KIF9: variants seen among roughly 807,000 people sequenced by gnomAD.
The protein encoded by KIF9 is kinesin family member 9, also known as kinesin-like protein KIF9.
Under a neutral mutation model 94.8 loss-of-function variants are expected in KIF9, and 68 were observed. The observed-to-expected ratio is 0.72, with a 90% CI of 0.59 to 0.88. The LOEUF is 0.88. Among genes scored for constraint, KIF9 ranks in the 40% least tolerant of loss-of-function variants. The probability of loss-of-function intolerance (pLI) is 0.00; values close to 1 mark genes in which losing one functional copy is unlikely to be tolerated. For missense variants in KIF9, 882 were observed against 982.5 expected (o/e 0.90, Z 1.37); for synonymous variants, 343 against 362.1 (o/e 0.95, Z 0.60).
Position 47,266,971 on chromosome 3 carries a change from C to CT in KIF9, c.768+4dup. 1 of 1,611,318 alleles carries CT rather than the reference C, an allele frequency of 6.2e-7. No homozygotes were observed. ...GAGTAGCAACCTCCAGCCCCCATCACTTACCCCAGACTTCCCCAGCCTCTC... is the reference window on the plus strand; with the variant it reads ...GAGTAGCAACCTCCAGCCCCCATCACTTTACCCCAGACTTCCCCAGCCTCTC... On this transcript the variant is annotated splice_donor_region_variant and intron_variant, in intron 7 of 20. Transcript: ENST00000684063.
intron 16 of KIF9, 128 bp downstream of exon 16, chr3:47,242,923 A>G: frequency 2.8e-6 from 2 of 724,512 alleles, no homozygotes. Flanking sequence ...TTCTTTGGGG[A>G]CTGTGCTCCT....
chr3:47,275,862 T>C (rs1701933089), intron 2 of KIF9, among the ~76,000 whole-genome samples: 1 of 152,242 alleles, frequency 6.6e-6, no homozygotes, highest in Admixed American at 6.5e-5. Flanking sequence ...GAGGGAATAG[T>C]GAGCCTGGTA....
At position 47,267,187 on chromosome 3, in the gene KIF9, T is replaced by C. The variant is rs534858181; in HGVS notation, c.668A>G (p.Tyr223Cys). Residue 223 changes from tyrosine (Y) to cysteine (C), a missense_variant, in exon 6 of 21, where the codon TAC becomes TGC. Physicochemically the swap from Tyr to Cys is radical, Grantham distance 194. Transcript: ENST00000684063. ...CAAAGAGCTTGCACCTACCTCTAAG[T>C]AGATGGTGAAAATGCAGTGTGATCT... The part of the protein sequence containing the change: ...SSRSHCIFTI[Y>C]LEAHSRTLSE... The C allele has an allele frequency of 1.9e-5, 31 of 1,612,872 alleles. No homozygotes were observed. The highest frequency in any genetic ancestry group is 3.3e-4 in the Middle Eastern group (2 of 6,080).
rs921923118 is a variant in KIF9, at chr3:47,247,504, A to C, written c.1129-27T>G. On this transcript the variant is annotated intron_variant, in intron 11 of 20. Coordinates refer to ENST00000684063, the MANE Select transcript of KIF9 (RefSeq NM_182902.4). ...TTGAAGGAGGATGAAGAACATGTGGATAAGCAACAAGAACCTGAGCCCACA... is the reference window on the plus strand; with the variant it reads ...TTGAAGGAGGATGAAGAACATGTGGCTAAGCAACAAGAACCTGAGCCCACA... 3.2e-6 allele frequency: 5 copies of C among 1,550,346 alleles called. No individual in the cohort carries two copies. The African/African-American group carries it at 6.8e-5, about 21-fold the overall frequency.
At chr3:47,257,143 AAAAT>A (rs1700669750) in intron 10 of KIF9, among the ~76,000 whole-genome samples, 1 of 152,142 alleles carries the variant, frequency 6.6e-6, no homozygotes, top group Non-Finnish European at 1.5e-5. Flanking sequence ...GATCAATAAA[AAAAT>A]AAATTAATTA....
chr3:47,271,417 C>A lies in KIF9; in HGVS notation c.411G>T (p.Val137=). 6.2e-7 allele frequency: 1 copy of A among 1,614,020 alleles called. No homozygotes were observed. Among genetic ancestry groups the A allele is most frequent in the Non-Finnish European group, 8.5e-7 (1 of 1,179,996 alleles). Residue 137 remains valine (V), a synonymous_variant, in exon 5 of 21, where the codon GTG becomes GTT. Transcript: ENST00000684063. ...IEERPTHAIT[V]RVSYLEIYNE... is the part of the protein sequence containing the mutation. ...TATAGATTTCCAAGTAGGAAACACG[C>A]ACAGTGATGGCATGTGTGGGGCGTT...
At chr3:47,276,868 A>C (rs1702006098) in intron 2 of KIF9, among the ~76,000 whole-genome samples, 1 of 152,208 alleles carries the variant, frequency 6.6e-6, no homozygotes, top group Non-Finnish European at 1.5e-5. Context: ...GGACGGATAT[A>C]TCTTTCCACT....
chr3:47,252,217 A>G (rs965361176), intron 10 of KIF9, among the ~76,000 whole-genome samples: 1 of 152,220 alleles, frequency 6.6e-6, no homozygotes, highest in African/African-American at 2.4e-5. Context: ...GATTATAAAC[A>G]CATTCACACT....
At position 47,245,480 on chromosome 3, in the gene KIF9, G is replaced by A. The variant is rs1302353551; in HGVS notation, c.1321C>T (p.Arg441Cys). 1.9e-5 allele frequency: 31 copies of A among 1,613,886 alleles called. No homozygotes were observed. Among genetic ancestry groups the A allele is most frequent in the East Asian group, 8.9e-5 (4 of 44,880 alleles). Residue 441 changes from arginine to cysteine, a missense_variant, in exon 14 of 21, where the codon CGC (arginine) becomes TGC (cysteine). Physicochemically the swap from Arg to Cys is radical, Grantham distance 180. Transcript: ENST00000684063. ...QQEQEVESTL[R>C]RKYTLIDRND... The stretch of plus-strand genomic sequence containing the variant: ...CTGTCAATGAGGGTGTACTTCCTGC[G>A]CAAAGTGGACTCCACTTCCTGTTCC...
chr3:47,253,732 T>C (rs1307279540), intron 10 of KIF9, among the ~76,000 whole-genome samples: 2 of 152,372 alleles, frequency 1.3e-5, no homozygotes, highest in Admixed American at 6.5e-5. Context: ...GATTTATCCA[T>C]GCAGGTAGCT....
Position 47,240,968 on chromosome 3 carries a change from T to C in KIF9, c.1757A>G (p.Asn586Ser). 1 of 1,614,196 alleles carries C rather than the reference T, an allele frequency of 6.2e-7. No individual in the cohort carries two copies. The highest frequency in any genetic ancestry group is 8.5e-7 in the Non-Finnish European group (1 of 1,180,042). The change falls in exon 17 of 21, where the codon AAT (asparagine) becomes AGT (serine). Residue 586 changes from asparagine to serine, a missense_variant. Asn to Ser is a conservative substitution (Grantham distance 46, BLOSUM62 1). Coordinates refer to ENST00000684063, the MANE Select transcript of KIF9 (RefSeq NM_182902.4). Reference protein sequence around the residue: ...SKPVAFEEFKNEQGSEINRIF... With the variant: ...SKPVAFEEFKSEQGSEINRIF... ...TCGGTTGATCTCACTACCTTGCTCA[T>C]TCTTAAACTCCTCAAAGGCCACTGG...
At chr3:47,256,523 G>A (rs1700615596) in intron 10 of KIF9, among the ~76,000 whole-genome samples, 1 of 151,042 alleles carries the variant, frequency 6.6e-6, no homozygotes, top group African/African-American at 2.4e-5. Context: ...GGAGGTGGGG[G>A]GGTCGGCCCC....
At chr3:47,228,929 G>A (rs2106948153) in intron 20 of KIF9, among the ~76,000 whole-genome samples, 1 of 152,224 alleles carries the variant, frequency 6.6e-6, no homozygotes, top group South Asian at 2.1e-4. Context: ...AAAACAGTCT[G>A]GCAGGCATAT....
chr3:47,237,341 G>A (rs1559422152), intron 17 of KIF9, among the ~76,000 whole-genome samples: 4 of 152,152 alleles, frequency 2.6e-5, no homozygotes, highest in Admixed American at 6.5e-5. Context: ...TGATCCGCCC[G>A]CCTCGGCCTC....
chr3:47,250,747 A>G (rs1700223304), intron 10 of KIF9: 1 of 210,980 alleles, frequency 4.7e-6, no homozygotes, highest in South Asian at 5.0e-5. Flanking sequence ...GCTGTGAACA[A>G]TAGGACTTCC....
chr3:47,241,049 A>G (rs1033627341), intron 16 of KIF9, 34 bp from the exon 17 acceptor site: 1 of 1,591,214 alleles, frequency 6.3e-7, no homozygotes, highest in Non-Finnish European at 8.6e-7. Flanking sequence ...AAGAGGATAA[A>G]TGAGGTGGCT....
rs984916746 is a variant in KIF9, at chr3:47,271,456, A to G, written c.372T>C (p.Phe124=). ...GILPRALQQV[F]RMIEERPTHA... The stretch of plus-strand genomic sequence containing the variant: ...GTGTGGGGCGTTCTTCGATCATCCT[A>G]AAAACCTAGATGACAGATTGTACAG... The change falls in exon 5 of 21, where the codon TTT becomes TTC. Residue 124 remains phenylalanine (F), a synonymous_variant. Transcript: ENST00000684063. 1 of 1,613,674 alleles carries G rather than the reference A, an allele frequency of 6.2e-7. No individual in the cohort carries two copies. Among genetic ancestry groups the G allele is most frequent in the South Asian group, 1.1e-5 (1 of 91,046 alleles).
intron 3 of KIF9, 106 bp from the exon 4 acceptor site, chr3:47,273,764 G>A (rs967323072): frequency 2.2e-6 from 2 of 901,042 alleles, no homozygotes; most frequent in Non-Finnish European, 3.5e-6. Context: ...GCATGAAGAT[G>A]GCCAGTGGGG....
intron 10 of KIF9, among the ~76,000 whole-genome samples, chr3:47,249,253 C>T (rs1238348167): frequency 6.6e-6 from 1 of 150,986 alleles, no homozygotes; most frequent in Admixed American, 6.6e-5. Flanking sequence ...TCATGTAATT[C>T]TCCTGCCTCA....
Sources: allele counts gnomAD v4.1 joint callset (sites outside exome capture counted in the v4.1 genomes callset), GRCh38; gene constraint gnomAD v4.1.1; transcripts MANE v1.5; gene names NCBI Gene and HGNC (gene_info 2026-07-23, HGNC 2026-07-21).